Variants in CTDP1 observed in about 807,000 individuals in gnomAD.
CTDP1 encodes RNA polymerase II subunit A C-terminal domain phosphatase.
CTDP1 carries 47 observed loss-of-function variants against 91.8 expected under a neutral mutation model. That is an observed-to-expected ratio of 0.51 (90% CI 0.41 to 0.65). The LOEUF is 0.65. CTDP1 is among the 30% of genes least tolerant of loss of function. CTDP1 has a pLI of 0.00. For missense variants in CTDP1, 1,272 were observed against 1,373.7 expected, an observed-to-expected ratio of 0.93 and a Z score of 1.17; for synonymous variants, 656 against 598.5, an observed-to-expected ratio of 1.10 and a Z score of -1.40.
chr18:79,692,151 G>A lies in CTDP1; in HGVS notation c.315-3074G>A, dbSNP rs1168657135. Among the ~76,000 whole-genome samples, 6 of 150,946 alleles carry A rather than the reference G, an allele frequency of 4.0e-5. No individual in the cohort carries two copies. The East Asian group carries it at 9.8e-4, about 25-fold the overall frequency. ...CCCAGGGTGGACTCGGGGTGGGGAGGAGTGGACGGCTCCCAGGGTGGACTC... is the reference window on the plus strand; with the variant it reads ...CCCAGGGTGGACTCGGGGTGGGGAGAAGTGGACGGCTCCCAGGGTGGACTC... On this transcript the variant is annotated intron_variant, in intron 1 of 12. Coordinates refer to ENST00000613122, the MANE Select transcript of CTDP1 (RefSeq NM_004715.5).
At chr18:79,710,308 C>G in intron 5 of CTDP1, 38 bp from the exon 6 acceptor site, 2 of 1,529,292 alleles carry the variant, frequency 1.3e-6, no homozygotes, top group African/African-American at 2.7e-5. Context: ...CGAAACGTGT[C>G]TCAGGTATGT....
At chr18:79,727,032 C>T (rs966919739) in intron 10 of CTDP1, among the ~76,000 whole-genome samples, 8 of 107,860 alleles carry the variant, frequency 7.4e-5, no homozygotes, top group Middle Eastern at 5.9e-3. Flanking sequence ...GGGTGACGCC[C>T]TTGCTGGTGG....
chr18:79,702,458 C>T (rs1235978531), intron 4 of CTDP1, among the ~76,000 whole-genome samples: 7 of 152,194 alleles, frequency 4.6e-5, no homozygotes. Context: ...CCTGCAACCT[C>T]CACCTCCCGG....
intron 5 of CTDP1, among the ~76,000 whole-genome samples, chr18:79,707,503 C>T (rs983510428): frequency 2.0e-5 from 3 of 152,246 alleles, no homozygotes; most frequent in African/African-American, 7.2e-5. Context: ...TGAGCGTCAC[C>T]GGGCCGTCTG....
At chr18:79,721,724 T>C (rs1005851075) in intron 10 of CTDP1, among the ~76,000 whole-genome samples, 1 of 152,134 alleles carries the variant, frequency 6.6e-6, no homozygotes, top group Non-Finnish European at 1.5e-5. Context: ...CTGCGCTTCA[T>C]CCTGGGCCAC....
chr18:79,753,220 A>C (rs1332085880), intron 12 of CTDP1, among the ~76,000 whole-genome samples: 1 of 152,384 alleles, frequency 6.6e-6, no homozygotes, highest in East Asian at 1.9e-4. Context: ...TCATTTTAGC[A>C]GTGGCCTGAG....
At chr18:79,718,202 C>T (rs1002266170) in intron 10 of CTDP1, among the ~76,000 whole-genome samples, 186 bp downstream of exon 10, 4 of 152,294 alleles carry the variant, frequency 2.6e-5, no homozygotes, top group Non-Finnish European at 5.9e-5. Context: ...TTGTTTTTCT[C>T]TCCTGTCTTG....
intron 4 of CTDP1, among the ~76,000 whole-genome samples, chr18:79,699,436 A>AT (rs1016926483): frequency 1.1e-4 from 16 of 151,178 alleles, no homozygotes; most frequent in African/African-American, 9.7e-5. Context: ...AATTTTTTGT[A>AT]TTTTTTTTAG....
chr18:79,750,805 C>T (rs1023290540), intron 12 of CTDP1, among the ~76,000 whole-genome samples: 21 of 151,754 alleles, frequency 1.4e-4, no homozygotes, highest in African/African-American at 3.4e-4. Context: ...TGAGCCGCCA[C>T]GCCCTGCCTA....
At chr18:79,735,807 C>A (rs1456767143) in intron 11 of CTDP1, 4 of 162,780 alleles carry the variant, frequency 2.5e-5, no homozygotes, top group Non-Finnish European at 4.1e-5. Context: ...GCTGAGCTCA[C>A]CCCAGGTGTT....
chr18:79,708,682 C>T (rs1443746864), intron 5 of CTDP1, among the ~76,000 whole-genome samples: 3 of 152,380 alleles, frequency 2.0e-5, no homozygotes, highest in East Asian at 3.9e-4. Context: ...GCATAACTAA[C>T]GGTTATGCAG....
chr18:79,698,085 C>T (rs965671892), intron 4 of CTDP1, 97 bp downstream of exon 4: 79 of 1,524,452 alleles, frequency 5.2e-5, no homozygotes, highest in Non-Finnish European at 6.5e-5. Flanking sequence ...GATGATTTCC[C>T]GTAGGTCAGC....
Position 79,717,902 on chromosome 18 carries a change from G to C in CTDP1, c.2303G>C (p.Gly768Ala). 5 of 1,613,536 alleles carry C rather than the reference G, an allele frequency of 3.1e-6. No homozygotes were observed. The highest frequency in any genetic ancestry group is 4.2e-6 in the Non-Finnish European group (5 of 1,180,022). The change falls in exon 10 of 13, where the codon GGC becomes GCC. Residue 768 changes from glycine to alanine, a missense_variant. By Grantham distance (60) the Gly-to-Ala change is moderately conservative (BLOSUM62 0). Transcript: ENST00000613122. ...PMPVLPKAQPGPEVRIYDSNT... is the reference protein window; with the variant it reads ...PMPVLPKAQPAPEVRIYDSNT... The stretch of plus-strand genomic sequence containing the variant: ...CCGGTTCTTCCCAAGGCCCAGCCTG[G>C]CCCCGAGGTTCGGATCTACGACTCC...
At chr18:79,717,299 G>A (rs1349757870) in intron 8 of CTDP1, among the ~76,000 whole-genome samples, 1 of 146,600 alleles carries the variant, frequency 6.8e-6, no homozygotes, top group Non-Finnish European at 1.5e-5. Flanking sequence ...GTGCAGCCGA[G>A]TGAGGGCCTT....
At chr18:79,692,959 G>A (rs2085655395) in intron 1 of CTDP1, among the ~76,000 whole-genome samples, 1 of 152,276 alleles carries the variant, frequency 6.6e-6, no homozygotes, top group Non-Finnish European at 1.5e-5. Context: ...AGGACGTGGG[G>A]CCATTGGGAG....
chr18:79,736,815 G>T (rs2086678154), intron 12 of CTDP1, among the ~76,000 whole-genome samples: 1 of 151,140 alleles, frequency 6.6e-6, no homozygotes, highest in South Asian at 2.1e-4. Flanking sequence ...GTGTGGTGGG[G>T]GTATGCACGT....
At chr18:79,749,232 C>T (rs1367138027) in intron 12 of CTDP1, among the ~76,000 whole-genome samples, 1 of 152,200 alleles carries the variant, frequency 6.6e-6, no homozygotes, top group Non-Finnish European at 1.5e-5. Flanking sequence ...GGAACTGGTT[C>T]TTGCACCTCT....
intron 10 of CTDP1, among the ~76,000 whole-genome samples, chr18:79,719,247 A>G (rs1056000859): frequency 1.2e-4 from 18 of 152,092 alleles, no homozygotes; most frequent in Admixed American, 1.0e-3. Flanking sequence ...CTCTCGGCTG[A>G]TTTCACGGCC....
At chr18:79,724,549 C>T (rs572837624) in intron 10 of CTDP1, among the ~76,000 whole-genome samples, 1 of 152,274 alleles carries the variant, frequency 6.6e-6, no homozygotes, top group East Asian at 1.9e-4. Context: ...TGAATAATTA[C>T]CCATCACTCC....
Sources: gnomAD v4.1 joint callset for allele counts (sites outside exome capture counted in the v4.1 genomes callset) on GRCh38, gnomAD v4.1.1 for gene constraint, MANE v1.5 for transcripts, NCBI Gene and HGNC (gene_info 2026-07-23, HGNC 2026-07-21) for gene names.